BARHL2: variants seen among roughly 807,000 people sequenced by gnomAD.
BARHL2 encodes barH-like 2 homeobox protein.
BARHL2 carries 10 observed loss-of-function variants against 27.1 expected under a neutral mutation model. The ratio of observed to expected loss-of-function variants is 0.37; its 90% confidence interval spans 0.23 to 0.63. The LOEUF is 0.63. Among genes scored for constraint, BARHL2 ranks in the 20% least tolerant of loss-of-function variants. The pLI, the probability that BARHL2 is intolerant of heterozygous loss-of-function variation, is 0.65. For missense variants in BARHL2, 483 were observed against 533.5 expected (o/e 0.91, Z 0.93); for synonymous variants, 248 against 224.7 (o/e 1.10, Z -0.93).
At position 90,716,779 on chromosome 1, in the gene BARHL2, C is replaced by T. The variant is rs960204197; in HGVS notation, c.417G>A (p.Thr139=). 4 of 1,558,644 alleles carry T rather than the reference C, an allele frequency of 2.6e-6. No individual in the cohort carries two copies. The highest frequency in any genetic ancestry group is 1.9e-5 in the Admixed American group (1 of 51,796). The change falls in exon 1 of 3, where the codon ACG becomes ACA. Residue 139 remains threonine, a synonymous_variant. Transcript: ENST00000370445. ...AGATGTCCTTAATTAAAAAAGAAGACGTGGAAGTCCTGGGGGCCGAGGCGG... is the reference window on the plus strand; with the variant it reads ...AGATGTCCTTAATTAAAAAAGAAGATGTGGAAGTCCTGGGGGCCGAGGCGG... The part of the protein sequence containing the change: ...GSAASAPRTS[T]SSFLIKDILG...
intron 2 of BARHL2, 90 bp downstream of exon 2, chr1:90,714,441 G>C (rs2100641292): frequency 7.8e-7 from 1 of 1,288,826 alleles, no homozygotes; most frequent in East Asian, 2.3e-5. Context: ...AGTCCTTAGA[G>C]TCTCTGGAGG....
chr1:90,713,981 G>A (rs1449034511), intron 2 of BARHL2, among the ~76,000 whole-genome samples: 1 of 152,178 alleles, frequency 6.6e-6, no homozygotes, highest in African/African-American at 2.4e-5. Context: ...TAACCCAGCT[G>A]GGCTCTCCTA....
rs538272678 is a variant in BARHL2 at position 90,712,190 on chromosome 1, C to T, written c.*122G>A. On this transcript the variant is annotated 3_prime_UTR_variant, in exon 3 of 3. Transcript: ENST00000370445. ...TGGTAAGCATCTTCCTCTCTTACTCCTCTGCCTTCCAGAGTTGGCTGCAAG... is the reference window on the plus strand; with the variant it reads ...TGGTAAGCATCTTCCTCTCTTACTCTTCTGCCTTCCAGAGTTGGCTGCAAG... 2 of 1,112,772 alleles carry T rather than the reference C, an allele frequency of 1.8e-6. No individual in the cohort carries two copies. The highest frequency in any genetic ancestry group is 1.2e-6 in the Non-Finnish European group (1 of 824,624). The allele number at this position is 1,112,772 out of a possible 1,614,324, so 68.9% of individuals were successfully genotyped here.
Position 90,716,995 on chromosome 1 carries a change from T to C in BARHL2, c.201A>G (p.Ser67=). 6.2e-7 allele frequency: 1 copy of C among 1,613,648 alleles called. No homozygotes were observed. The highest frequency in any genetic ancestry group is 8.5e-7 in the Non-Finnish European group (1 of 1,179,842). The change falls in exon 1 of 3, where the codon TCA becomes TCG. Residue 67 remains serine (S), a synonymous_variant. Coordinates refer to ENST00000370445, the MANE Select transcript of BARHL2 (RefSeq NM_020063.2). ...GCGGCTCCGGGGGCTCCATGGTGAC[T>C]GAGATAGGAGAAGAAGGCGCCGTCC... is the stretch of plus-strand genomic sequence containing the variant. ...TVGTAPSSPI[S]VTMEPPEPHL...
intron 1 of BARHL2, among the ~76,000 whole-genome samples, chr1:90,715,617 C>T (rs1298514032): frequency 6.6e-6 from 1 of 152,068 alleles, no homozygotes; most frequent in East Asian, 1.9e-4. Flanking sequence ...TATGCTAATG[C>T]TATAATAGTA....
At position 90,717,066 on chromosome 1, in the gene BARHL2, T is replaced by C; in HGVS notation, c.130A>G (p.Arg44Gly). Residue 44 changes from arginine to glycine, a missense_variant, in exon 1 of 3, where the codon AGG becomes GGG. This residue lies in a region of BARHL2 where 304 missense variants were observed against 284.9 expected (regional missense o/e 1.07). Coordinates refer to ENST00000370445, the MANE Select transcript of BARHL2 (RefSeq NM_020063.2). The stretch of plus-strand genomic sequence containing the variant: ...CAGGGAGATGGGGTGGCCTGACTCC[T>C]AAAATCCGCGGTCCTGGCCTCACCG... ...PLGEARTADF[R>G]SQATPSPCSE... 1 of 1,614,012 alleles carries C rather than the reference T, an allele frequency of 6.2e-7. No individual in the cohort carries two copies. Among genetic ancestry groups the C allele is most frequent in the Non-Finnish European group, 8.5e-7 (1 of 1,179,996 alleles).
chr1:90,717,019 C>T lies in BARHL2; in HGVS notation c.177G>A (p.Gly59=), dbSNP rs749265553. ...CTGAGATAGGAGAAGAAGGCGCCGT[C>T]CCTACGGTATCAATCTCCGAACAGG... is the stretch of plus-strand genomic sequence containing the variant. ...PSPCSEIDTV[G]TAPSSPISVT... Residue 59 remains glycine, a synonymous_variant, in exon 1 of 3, where the codon GGG becomes GGA. Coordinates refer to ENST00000370445, the MANE Select transcript of BARHL2 (RefSeq NM_020063.2). The T allele has an allele frequency of 1.2e-6, 2 of 1,613,888 alleles. No individual in the cohort carries two copies. Among genetic ancestry groups the T allele is most frequent in the East Asian group, 2.2e-5 (1 of 44,840 alleles).
At chr1:90,714,477 T>C in intron 2 of BARHL2, 54 bp downstream of exon 2, 1 of 1,515,012 alleles carries the variant, frequency 6.6e-7, no homozygotes, top group Non-Finnish European at 9.2e-7. Context: ...ATTGGTATAA[T>C]GATCATGACT....
At chr1:90,713,727 C>G (rs1658084917) in intron 2 of BARHL2, among the ~76,000 whole-genome samples, 1 of 152,202 alleles carries the variant, frequency 6.6e-6, no homozygotes, top group South Asian at 2.1e-4. Context: ...AGCAAAACCT[C>G]TGCCTCAGAT....
At position 90,716,555 on chromosome 1, in the gene BARHL2, G is replaced by A. The variant is rs201207197; in HGVS notation, c.625+16C>T. 40 of 1,612,462 alleles carry A rather than the reference G, an allele frequency of 2.5e-5. No individual in the cohort carries two copies. The Admixed American group carries it at 5.3e-4, about 21-fold the overall frequency. ...GACAAGCTAGACGGCCGAGAGCGCC[G>A]GGTGGCGGGACTCACCGTGGCATTT... On this transcript the variant is annotated intron_variant, in intron 1 of 2. Transcript: ENST00000370445.
chr1:90,714,855 G>A (rs541498539), intron 1 of BARHL2, 99 bp from the exon 2 acceptor site: 26 of 1,116,910 alleles, frequency 2.3e-5, no homozygotes, highest in Non-Finnish European at 3.1e-5. Flanking sequence ...GCCAACTACT[G>A]GCTTCGGGGG....
In BARHL2 at chr1:90,712,270, G is replaced by T; in HGVS notation, c.*42C>A. The T allele has an allele frequency of 7.0e-7, 1 of 1,424,902 alleles. No individual in the cohort carries two copies. Among genetic ancestry groups the T allele is most frequent in the South Asian group, 1.5e-5 (1 of 65,386 alleles). 88.3% of individuals were successfully genotyped at this position (1,424,902 alleles called of 1,614,324 possible). A position where few individuals can be genotyped will look rare whatever the true frequency, so the allele number is the denominator to read the frequency against. On this transcript the variant is annotated 3_prime_UTR_variant, in exon 3 of 3. Transcript: ENST00000370445. ...GACGGGCAGCAGTCCGGGTTGGGCAGGGATATGGGGAAGGGATTGCAGTGC... is the reference window on the plus strand; with the variant it reads ...GACGGGCAGCAGTCCGGGTTGGGCATGGATATGGGGAAGGGATTGCAGTGC...
intron 2 of BARHL2, among the ~76,000 whole-genome samples, 188 bp downstream of exon 2, chr1:90,714,343 C>T (rs1303780482): frequency 1.3e-5 from 2 of 152,252 alleles, no homozygotes; most frequent in African/African-American, 4.8e-5. Context: ...CAAATTCCAG[C>T]TGCCCTTTGG....
chr1:90,717,189 T>C lies in BARHL2; in HGVS notation c.7A>G (p.Met3Val), dbSNP rs1378223513. 1.1e-5 allele frequency: 17 copies of C among 1,612,360 alleles called. No individual in the cohort carries two copies. Among genetic ancestry groups the C allele is most frequent in the East Asian group, 2.2e-5 (1 of 44,700 alleles). Residue 3 changes from methionine to valine, a missense_variant, in exon 1 of 3, where the codon ATG becomes GTG. Physicochemically the swap from Met to Val is conservative, Grantham distance 21 (BLOSUM62 1). Around this residue, in one of 3 missense-constraint regions of BARHL2, gnomAD observed 304 missense variants for 284.9 expected, o/e 1.07. Coordinates refer to ENST00000370445, the MANE Select transcript of BARHL2 (RefSeq NM_020063.2). MTMEGASGSSFGI... is the reference protein window; with the variant it reads MTVEGASGSSFGI... Reference sequence around the variant, plus strand: ...AAACTCGACCCGCTGGCCCCTTCCATTGTCATTGCTACATGAGGTCCACGC... The same window carrying C: ...AAACTCGACCCGCTGGCCCCTTCCACTGTCATTGCTACATGAGGTCCACGC...
intron 2 of BARHL2, among the ~76,000 whole-genome samples, chr1:90,714,274 G>A (rs375138315): frequency 1.6e-4 from 24 of 152,344 alleles, no homozygotes; most frequent in African/African-American, 4.1e-4. Flanking sequence ...GAATTCCAGC[G>A]GCTCGGGTTT....
chr1:90,716,555 G>C lies in BARHL2; in HGVS notation c.625+16C>G. 6.2e-7 allele frequency: 1 copy of C among 1,612,462 alleles called. No individual in the cohort carries two copies. The highest frequency in any genetic ancestry group is 8.5e-7 in the Non-Finnish European group (1 of 1,178,824). ...GACAAGCTAGACGGCCGAGAGCGCC[G>C]GGTGGCGGGACTCACCGTGGCATTT... is the stretch of plus-strand genomic sequence containing the variant. On this transcript the variant is annotated intron_variant, in intron 1 of 2. Transcript: ENST00000370445.
In BARHL2 at chr1:90,712,510, C is replaced by T. The variant is rs980079047; in HGVS notation, c.966G>A (p.Leu322=). 2 of 1,614,082 alleles carry T rather than the reference C, an allele frequency of 1.2e-6. No homozygotes were observed. The highest frequency in any genetic ancestry group is 1.7e-6 in the Non-Finnish European group (2 of 1,180,006). The change falls in exon 3 of 3, where the codon CTG becomes CTA. Residue 322 remains leucine (L), a synonymous_variant. Coordinates refer to ENST00000370445, the MANE Select transcript of BARHL2 (RefSeq NM_020063.2). ...PSPYFYHPSL[L]GSMDSTTAAA... is the part of the protein sequence containing the mutation. ...CCGCCGTAGTGCTGTCCATGCTGCC[C>T]AGCAGGCTTGGGTGATAGAAATAAG... is the stretch of plus-strand genomic sequence containing the variant.
chr1:90,716,853 G>A lies in BARHL2; in HGVS notation c.343C>T (p.Leu115=). The A allele has an allele frequency of 1.3e-6, 2 of 1,555,758 alleles. No individual in the cohort carries two copies. Among genetic ancestry groups the A allele is most frequent in the Non-Finnish European group, 1.7e-6 (2 of 1,150,422 alleles). Residue 115 remains leucine, a synonymous_variant, in exon 1 of 3, where the codon CTG becomes TTG. Transcript: ENST00000370445. ...GGCGGCGGCGGCTGCTGTGGCGGCA[G>A]CGGCTGCTGCTGTTGGGGCAAAGGC... ...LQPLPQQQQP[L]PPQQPPPPPP...
intron 1 of BARHL2, among the ~76,000 whole-genome samples, chr1:90,715,828 C>T (rs892057125): frequency 2.0e-5 from 3 of 150,732 alleles, no homozygotes; most frequent in Non-Finnish European, 4.4e-5. Context: ...AGGACAATTT[C>T]CATTGTCATC....
Sources: allele counts gnomAD v4.1 joint callset (sites outside exome capture counted in the v4.1 genomes callset), GRCh38; gene constraint gnomAD v4.1.1; regional missense constraint gnomAD v4.1.1; transcripts MANE v1.5; gene names NCBI Gene and HGNC (gene_info 2026-07-23, HGNC 2026-07-21).